Variants in LCOR observed in about 807,000 individuals in gnomAD.
LCOR encodes ligand-dependent corepressor.
A neutral mutation model predicts 64.4 loss-of-function variants in LCOR; 14 were observed. The observed-to-expected ratio is 0.22, with a 90% confidence interval of 0.14 to 0.34. The LOEUF is 0.34. LCOR is among the 10% of genes least tolerant of loss of function. LCOR has a pLI of 1.00. For synonymous variants in LCOR, 643 were observed against 642.5 expected (o/e 1.00, Z -0.01); for missense variants, 1,686 against 1,765.3 (o/e 0.96, Z 0.80).
Position 96,957,325 on chromosome 10 carries a change from G to A in LCOR, c.332+5129G>A, listed in dbSNP as rs907481088. On this transcript the variant is annotated intron_variant, in intron 7 of 7. Transcript: ENST00000421806. The stretch of plus-strand genomic sequence containing the variant: ...GACCTTTGAGATCATGTTTGTATAA[G>A]CACTCCTTGAAGAATATCTAAGCTT... 5.1e-6 allele frequency: 5 copies of A among 984,902 alleles called. No individual in the cohort carries two copies. In the African/African-American group the frequency reaches 8.7e-5, roughly 17 times the overall value. The allele number at this position is 984,902 out of a possible 1,614,324, so 61.0% of individuals were successfully genotyped here.
chr10:96,920,907 C>T (rs1313822584), intron 4 of LCOR, among the ~76,000 whole-genome samples: 1 of 151,910 alleles, frequency 6.6e-6, no homozygotes, highest in Admixed American at 6.6e-5. Flanking sequence ...ATGTAATCCT[C>T]CTGCCTCAGC....
At chr10:96,846,601 G>C (rs750938372) in intron 2 of LCOR, among the ~76,000 whole-genome samples, 2 of 152,212 alleles carry the variant, frequency 1.3e-5, no homozygotes, top group Non-Finnish European at 1.5e-5. Context: ...AAACAGGTAT[G>C]AGTAAAGTGA....
intron 2 of LCOR, among the ~76,000 whole-genome samples, chr10:96,880,733 T>G (rs1035284525): frequency 2.0e-5 from 3 of 152,170 alleles, no homozygotes; most frequent in Non-Finnish European, 4.4e-5. Flanking sequence ...CACATAAATA[T>G]AGAGCAACAC....
chr10:96,848,783 G>T (rs1228462426), intron 2 of LCOR, among the ~76,000 whole-genome samples: 2 of 152,072 alleles, frequency 1.3e-5, no homozygotes, highest in Admixed American at 6.6e-5. Flanking sequence ...CAGTTATTTT[G>T]TTCAAAAACA....
intron 4 of LCOR, among the ~76,000 whole-genome samples, chr10:96,910,508 G>C (rs985351183): frequency 6.6e-6 from 1 of 152,348 alleles, no homozygotes; most frequent in Non-Finnish European, 1.5e-5. Flanking sequence ...TAGACTTAAA[G>C]TGTTTATATT....
intron 2 of LCOR, among the ~76,000 whole-genome samples, chr10:96,853,407 C>T (rs966002346): frequency 3.3e-5 from 5 of 152,158 alleles, no homozygotes; most frequent in African/African-American, 1.2e-4. Flanking sequence ...ATTCACCTAC[C>T]AAAATAAGAT....
rs981171285 is a variant in LCOR at position 96,986,958 on chromosome 10, G to A, written c.*1824G>A. ...CTTCTGATGATTGGATAAGACTGGA[G>A]AAAAGTATTTGATTTGTGAGAAATT... On this transcript the variant is annotated 3_prime_UTR_variant, in exon 8 of 8. Coordinates refer to ENST00000421806, the MANE Select transcript of LCOR (RefSeq NM_001346516.2). 3 of 152,192 alleles carry A rather than the reference G, an allele frequency of 2.0e-5. No individual in the cohort carries two copies. Among genetic ancestry groups the A allele is most frequent in the African/African-American group, 7.2e-5 (3 of 41,442 alleles). The allele number at this position is 152,192 out of a possible 1,614,324, so 9.4% of individuals were successfully genotyped here.
At chr10:96,956,092 T>G in intron 7 of LCOR, 1 of 1,428,048 alleles carries the variant, frequency 7.0e-7, no homozygotes, top group Non-Finnish European at 9.1e-7. Context: ...TGTTGCATAT[T>G]TTAAATTTTT....
chr10:96,929,619 C>G (rs1414950230), intron 4 of LCOR, among the ~76,000 whole-genome samples: 3 of 152,196 alleles, frequency 2.0e-5, no homozygotes, highest in Admixed American at 6.5e-5. Context: ...TTTGTGTTCA[C>G]TGGAGTAGCA....
At chr10:96,948,109 CT>C (rs1316459424) in intron 5 of LCOR, among the ~76,000 whole-genome samples, 4 of 152,196 alleles carry the variant, frequency 2.6e-5, no homozygotes, top group Non-Finnish European at 5.9e-5. Flanking sequence ...ATCTTAACCT[CT>C]TTTGCCTTTC....
Position 96,837,478 on chromosome 10 carries a change from G to A in LCOR, c.-330+3999G>A, listed in dbSNP as rs1845466545. On this transcript the variant is annotated intron_variant, in intron 2 of 7. Transcript: ENST00000421806. ...TCAGCATCTTGGCCAGGCTGGTCTT[G>A]AACTCCTGACCTCGTGATCCACCAC... Among the ~76,000 whole-genome samples the A allele has an allele frequency of 2.0e-5, 3 of 151,838 alleles. No homozygotes were observed. In the South Asian group the frequency reaches 6.2e-4, roughly 32 times the overall value.
At chr10:96,842,962 A>G (rs1845566907) in intron 2 of LCOR, among the ~76,000 whole-genome samples, 1 of 152,186 alleles carries the variant, frequency 6.6e-6, no homozygotes, top group Non-Finnish European at 1.5e-5. Flanking sequence ...AAATAAGTAT[A>G]CATTGTATGT....
intron 4 of LCOR, among the ~76,000 whole-genome samples, chr10:96,934,276 A>G (rs1200212435): frequency 6.6e-6 from 1 of 152,228 alleles, no homozygotes; most frequent in African/African-American, 2.4e-5. Context: ...TAGGACTATG[A>G]GAGATGGAGG....
chr10:96,872,351 T>C (rs1273975342), intron 2 of LCOR, among the ~76,000 whole-genome samples: 1 of 152,244 alleles, frequency 6.6e-6, no homozygotes, highest in Non-Finnish European at 1.5e-5. Flanking sequence ...CAGGGTGACC[T>C]GAACTGAGTG....
At chr10:96,956,113 A>G in intron 7 of LCOR, 3 of 1,408,918 alleles carry the variant, frequency 2.1e-6, no homozygotes, top group South Asian at 1.6e-5. Flanking sequence ...CATGTGCAGT[A>G]TGGCTCGGAA....
At chr10:96,950,042 A>C (rs1847650980) in intron 6 of LCOR, among the ~76,000 whole-genome samples, 1 of 152,152 alleles carries the variant, frequency 6.6e-6, no homozygotes, top group Non-Finnish European at 1.5e-5. Flanking sequence ...AATTTCACAA[A>C]AATTGAAGCA....
rs761006862 is a variant in LCOR at position 96,954,908 on chromosome 10, A to T, written c.332+2712A>T. ...GTGGTCCCCTCACCCATCCCTCCCT[A>T]CCTGTGCAAGTCCTGCTCACATCAG... On this transcript the variant is annotated intron_variant, in intron 7 of 7. Coordinates refer to ENST00000421806, the MANE Select transcript of LCOR (RefSeq NM_001346516.2). 1.9e-6 allele frequency: 3 copies of T among 1,551,012 alleles called. No homozygotes were observed. The East Asian group carries it at 6.7e-5, about 35-fold the overall frequency.
chr10:96,967,950 T>C (rs1281128879), intron 7 of LCOR, among the ~76,000 whole-genome samples: 8 of 152,202 alleles, frequency 5.3e-5, no homozygotes, highest in Non-Finnish European at 1.2e-4. Flanking sequence ...TTTAAAAATA[T>C]AGATGCCTGG....
intron 4 of LCOR, among the ~76,000 whole-genome samples, chr10:96,930,708 T>G (rs1167486143): frequency 1.3e-5 from 2 of 152,192 alleles, no homozygotes; most frequent in Non-Finnish European, 2.9e-5. Context: ...TGTGATAGTA[T>G]TAAGAGGTGG....
Sources: gnomAD v4.1 joint callset for allele counts (sites outside exome capture counted in the v4.1 genomes callset) on GRCh38, gnomAD v4.1.1 for gene constraint, MANE v1.5 for transcripts, NCBI Gene and HGNC (gene_info 2026-07-23, HGNC 2026-07-21) for gene names.